PHF14: variants seen among roughly 807,000 people sequenced by gnomAD.
PHF14 encodes PHD finger protein 14.
PHF14 carries 55 observed loss-of-function variants against 117.9 expected under a neutral mutation model. The observed-to-expected ratio is 0.47, with a 90% CI of 0.38 to 0.58. The LOEUF (loss-of-function observed/expected upper bound fraction) is 0.58, where lower values mean the gene tolerates loss of function less well. PHF14 is among the 20% of genes least tolerant of loss of function. The pLI is 0.00. For missense variants in PHF14, 978 were observed against 1,122.2 expected, an observed-to-expected ratio of 0.87 and a Z score of 1.84; for synonymous variants, 409 against 368.6, an observed-to-expected ratio of 1.11 and a Z score of -1.26.
At chr7:11,096,659 AAAAGAT>A (rs1583462437) in intron 16 of PHF14, among the ~76,000 whole-genome samples, 2 of 152,336 alleles carry the variant, frequency 1.3e-5, no homozygotes, top group East Asian at 3.9e-4. Context: ...AAGAAAAAGA[AAAAGAT>A]AAAGCAGATT....
At chr7:11,060,344 C>G (rs1318564923) in intron 14 of PHF14, among the ~76,000 whole-genome samples, 1 of 151,946 alleles carries the variant, frequency 6.6e-6, no homozygotes, top group Non-Finnish European at 1.5e-5. Flanking sequence ...TGGTCCTTAC[C>G]AAATTGGGAA....
intron 17 of PHF14, among the ~76,000 whole-genome samples, chr7:11,128,706 G>A (rs749197622): frequency 7.1e-6 from 1 of 141,074 alleles, no homozygotes; most frequent in African/African-American, 2.7e-5. Flanking sequence ...CTCTCCCCCC[G>A]CCCCCACTGC....
At chr7:11,029,076 C>A (rs1157898750) in intron 7 of PHF14, among the ~76,000 whole-genome samples, 2 of 151,924 alleles carry the variant, frequency 1.3e-5, no homozygotes, top group Non-Finnish European at 2.9e-5. Flanking sequence ...TGTCTTAAAG[C>A]ATTAAAATGT....
chr7:11,077,675 A>G (rs1290347294), intron 16 of PHF14, among the ~76,000 whole-genome samples: 1 of 151,544 alleles, frequency 6.6e-6, no homozygotes, highest in Non-Finnish European at 1.5e-5. Context: ...TGGAGAACAG[A>G]TATACCTCGT....
rs1784539988 is a variant in PHF14 at position 11,042,791 on chromosome 7, A to G, written c.2289A>G (p.Pro763=). ...GCLDPPLTRM[P]RKTKNSYWQC... ...TGGATCCTCCTCTTACAAGGATGCCAAGAAAGACCAAAAACAGTTATTGGT... is the reference window on the plus strand; with the variant it reads ...TGGATCCTCCTCTTACAAGGATGCCGAGAAAGACCAAAAACAGTTATTGGT... Residue 763 remains proline, a synonymous_variant, in exon 13 of 18, where the codon CCA becomes CCG. Coordinates refer to ENST00000634607, the MANE Select transcript of PHF14 (RefSeq NM_001007157.2). 2 of 1,581,070 alleles carry G rather than the reference A, an allele frequency of 1.3e-6. No individual in the cohort carries two copies. The highest frequency in any genetic ancestry group is 1.7e-6 in the Non-Finnish European group (2 of 1,160,228).
At chr7:11,081,745 A>C (rs573245032) in intron 16 of PHF14, among the ~76,000 whole-genome samples, 1 of 151,996 alleles carries the variant, frequency 6.6e-6, no homozygotes, top group Non-Finnish European at 1.5e-5. Flanking sequence ...AGTCCCAGCT[A>C]CTTGGGAGGC....
At chr7:11,102,393 A>G (rs1386663616) in intron 16 of PHF14, 2 of 1,338,450 alleles carry the variant, frequency 1.5e-6, no homozygotes, top group Admixed American at 1.9e-5. Flanking sequence ...ATTTGAATCT[A>G]CTGTGGTTTG....
intron 5 of PHF14, among the ~76,000 whole-genome samples, chr7:11,020,722 C>CT (rs1382011179): frequency 6.6e-6 from 1 of 151,962 alleles, no homozygotes; most frequent in African/African-American, 2.4e-5. Flanking sequence ...TTTAGTAAGT[C>CT]TTAGTTCTGT....
chr7:11,021,376 A>G (rs1783729666), intron 5 of PHF14, among the ~76,000 whole-genome samples: 1 of 152,208 alleles, frequency 6.6e-6, no homozygotes, highest in Non-Finnish European at 1.5e-5. Flanking sequence ...GAAACTATTT[A>G]CAGCTGGTAT....
intron 17 of PHF14, among the ~76,000 whole-genome samples, chr7:11,146,480 T>C (rs1269288405): frequency 2.0e-5 from 3 of 152,146 alleles, no homozygotes; most frequent in Admixed American, 6.5e-5. Flanking sequence ...ATGTCTCTCT[T>C]TTTCACCAGA....
At chr7:11,030,930 C>G (rs910274008) in intron 7 of PHF14, among the ~76,000 whole-genome samples, 1 of 152,092 alleles carries the variant, frequency 6.6e-6, no homozygotes, top group African/African-American at 2.4e-5. Flanking sequence ...TTGCATGAAT[C>G]AATATTAATG....
chr7:11,047,577 C>T (rs1396204757), intron 13 of PHF14, among the ~76,000 whole-genome samples: 4 of 150,220 alleles, frequency 2.7e-5, no homozygotes, highest in African/African-American at 7.3e-5. Flanking sequence ...GGGCGGATCA[C>T]TTGAGGTCAG....
chr7:11,158,315 A>G (rs1788924779), intron 17 of PHF14, among the ~76,000 whole-genome samples: 1 of 152,016 alleles, frequency 6.6e-6, no homozygotes, highest in Non-Finnish European at 1.5e-5. Flanking sequence ...AGAATGTCCC[A>G]CAAGTTGGGT....
rs750198140 is a variant in PHF14 at position 11,051,728 on chromosome 7, T to A, written c.2429T>A (p.Phe810Tyr). The change falls in exon 14 of 18, where the codon TTT becomes TAT. Residue 810 changes from phenylalanine (F) to tyrosine (Y), a missense_variant. Phe to Tyr is a conservative substitution (Grantham distance 22). Around this residue, in one of 7 missense-constraint regions of PHF14, gnomAD observed 180 missense variants for 195.4 expected, o/e 0.92. Coordinates refer to ENST00000634607, the MANE Select transcript of PHF14 (RefSeq NM_001007157.2). Reference protein sequence around the residue: ...SRRQIKEPVKFVPQDVPPEPK... With the variant: ...SRRQIKEPVKYVPQDVPPEPK... ...AGGCAGATTAAGGAACCAGTGAAAT[T>A]TGTTCCACAGGATGTGCCACCAGAA... The A allele has an allele frequency of 3.7e-6, 6 of 1,613,726 alleles. No homozygotes were observed. Among genetic ancestry groups the A allele is most frequent in the East Asian group, 2.2e-5 (1 of 44,854 alleles).
chr7:10,993,050 A>C (rs1782517773), intron 4 of PHF14, among the ~76,000 whole-genome samples: 1 of 152,166 alleles, frequency 6.6e-6, no homozygotes, highest in Non-Finnish European at 1.5e-5. Context: ...ATTAGGAAGC[A>C]TATGATATTT....
intron 16 of PHF14, chr7:11,105,580 G>C: frequency 1.0e-6 from 1 of 983,960 alleles, no homozygotes; most frequent in Non-Finnish European, 1.2e-6. Context: ...GACTCAACTT[G>C]GAGTTTCCTG....
intron 16 of PHF14, chr7:11,109,459 T>A (rs1401266178): frequency 6.7e-6 from 1 of 148,708 alleles, no homozygotes; most frequent in Non-Finnish European, 1.5e-5. Flanking sequence ...GATTTTTAAA[T>A]TTCGCATCAA....
chr7:11,028,712 C>T lies in PHF14; in HGVS notation c.1349C>T (p.Ala450Val), dbSNP rs765636641. ...AGCTTTTGTGAAGACCCTCGCTTTG[C>T]TAGAACTGGGGTTTGCATTAGCTGT... ...ECSFCEDPRF[A>V]RTGVCISCDA... The change falls in exon 7 of 18, where the codon GCT (alanine) becomes GTT (valine). Residue 450 changes from alanine (A) to valine (V), a missense_variant. Physicochemically the swap from Ala to Val is moderately conservative, Grantham distance 64 (BLOSUM62 0). Transcript: ENST00000634607. 2 of 1,613,618 alleles carry T rather than the reference C, an allele frequency of 1.2e-6. No individual in the cohort carries two copies. The highest frequency in any genetic ancestry group is 1.7e-6 in the Non-Finnish European group (2 of 1,179,682).
chr7:10,993,924 G>T lies in PHF14; in HGVS notation c.1045+3077G>T, dbSNP rs1001272207. Among the ~76,000 whole-genome samples, 8 of 151,614 alleles carry T rather than the reference G, an allele frequency of 5.3e-5. No homozygotes were observed. The East Asian group carries it at 1.6e-3, about 30-fold the overall frequency. ...CTCTGGAGGCTAAGGCAGGAGATTT[G>T]CTGGAACCTAGGAGGTGGAGGCTGC... On this transcript the variant is annotated intron_variant, in intron 4 of 17. Transcript: ENST00000634607.
Sources: allele counts gnomAD v4.1 joint callset (sites outside exome capture counted in the v4.1 genomes callset), GRCh38; gene constraint gnomAD v4.1.1; regional missense constraint gnomAD v4.1.1; transcripts MANE v1.5; gene names NCBI Gene and HGNC (gene_info 2026-07-23, HGNC 2026-07-21).